Variants in FAM156A observed in about 807,000 individuals in gnomAD.
FAM156A encodes the protein protein FAM156A/FAM156B.
chrX:52,986,718 G>A (rs1476184273), intron 1 of FAM156A, among the ~76,000 whole-genome samples: 2 of 110,301 alleles, frequency 1.8e-5, no homozygotes, highest in South Asian at 3.7e-4. Context: ...ACTTGATATG[G>A]AGCAACTAAA....
chrX:52,976,422 C>T (rs1428582393), intron 1 of FAM156A, among the ~76,000 whole-genome samples: 3 of 109,743 alleles, frequency 2.7e-5, no homozygotes, highest in Non-Finnish European at 5.7e-5. Context: ...CCAGCCCGGG[C>T]GACAGATCAG....
intron 1 of FAM156A, among the ~76,000 whole-genome samples, chrX:52,974,408 T>C (rs1319379191): frequency 6.3e-5 from 7 of 111,925 alleles, no homozygotes; most frequent in African/African-American, 2.3e-4. Flanking sequence ...TCTTTTTTTA[T>C]TGTATGTCCC....
At chrX:52,973,465 AT>A (rs1175951653) in intron 1 of FAM156A, among the ~76,000 whole-genome samples, 33 of 108,761 alleles carry the variant, frequency 3.0e-4, no homozygotes, top group African/African-American at 3.7e-4. Context: ...AATCAGCACA[AT>A]TTTTTTTAAT....
chrX:52,975,410 A>G (rs1929388263), intron 1 of FAM156A, among the ~76,000 whole-genome samples: 1 of 111,880 alleles, frequency 8.9e-6, no homozygotes, highest in Non-Finnish European at 1.9e-5. Context: ...CACCACAGTA[A>G]CGGAGCACGC....
rs145643477 is a variant in FAM156A at position 52,987,233 on chromosome X, C to T, written c.-434+8073G>A. Among the ~76,000 whole-genome samples, 703 of 111,951 alleles carry T rather than the reference C, an allele frequency of 6.3e-3. 7 individuals are homozygous for T. The highest frequency in any genetic ancestry group is 0.022 in the African/African-American group (670 of 30,815). On this transcript the variant is annotated intron_variant, in intron 1 of 4. Transcript: ENST00000610625. ...ACGTACTGTACTCATGGATTACAGA[C>T]TCATTATAGGAATGATGTCCCCAAA...
chrX:52,975,740 G>T (rs1220167389), intron 1 of FAM156A, among the ~76,000 whole-genome samples: 7 of 112,064 alleles, frequency 6.2e-5, no homozygotes, highest in African/African-American at 2.3e-4. Flanking sequence ...CTGCAGGTGG[G>T]CCGGGCCTTG....
At chrX:52,988,065 AC>A (rs1328553365) in intron 1 of FAM156A, among the ~76,000 whole-genome samples, 20 of 110,715 alleles carry the variant, frequency 1.8e-4, no homozygotes, top group African/African-American at 5.9e-4. Flanking sequence ...ACATGGTGAA[AC>A]CCCGTCTCTA....
intron 1 of FAM156A, among the ~76,000 whole-genome samples, chrX:52,986,199 G>A (rs932690301): frequency 9.3e-6 from 1 of 106,995 alleles, no homozygotes. Context: ...TCGCCACACT[G>A]ACTTCCCTAA....
chrX:52,991,774 T>C (rs1556795665), intron 1 of FAM156A, among the ~76,000 whole-genome samples: 1 of 109,613 alleles, frequency 9.1e-6, no homozygotes, highest in African/African-American at 3.4e-5. Flanking sequence ...CACATCCATG[T>C]CATTATTGCT....
chrX:52,984,812 T>A (rs1930152201), intron 1 of FAM156A, among the ~76,000 whole-genome samples: 1 of 109,748 alleles, frequency 9.1e-6, no homozygotes, highest in Non-Finnish European at 1.9e-5. Flanking sequence ...GAGGTTGCAG[T>A]GAGCTGAGAT....
chrX:52,984,275 C>A (rs917661525), intron 1 of FAM156A, among the ~76,000 whole-genome samples: 1 of 112,396 alleles, frequency 8.9e-6, no homozygotes, highest in Non-Finnish European at 1.9e-5. Flanking sequence ...TATTTTCTAC[C>A]AGAGCAGCTC....
chrX:52,976,399 G>A (rs782322094), intron 1 of FAM156A, among the ~76,000 whole-genome samples: 2 of 110,826 alleles, frequency 1.8e-5, no homozygotes, highest in South Asian at 3.9e-4. Context: ...AAACAAGATC[G>A]TGCCACTGCA....
intron 1 of FAM156A, among the ~76,000 whole-genome samples, chrX:52,974,259 C>T (rs1929275303): frequency 8.9e-6 from 1 of 112,473 alleles, no homozygotes; most frequent in South Asian, 3.6e-4. Context: ...AAGTATACAG[C>T]TGTAAGAGTC....
chrX:52,991,082 T>C (rs1444317120), intron 1 of FAM156A, among the ~76,000 whole-genome samples: 1 of 111,393 alleles, frequency 9.0e-6, no homozygotes, highest in African/African-American at 3.3e-5. Context: ...ATACCGATAG[T>C]ATTGGTATGA....
At chrX:52,987,601 T>C (rs189131226) in intron 1 of FAM156A, among the ~76,000 whole-genome samples, 64 of 108,859 alleles carry the variant, frequency 5.9e-4, no homozygotes, top group African/African-American at 1.9e-3. Flanking sequence ...CAAACCGTGA[T>C]TGTGGCACTG....
At chrX:52,977,039 CAT>C in intron 1 of FAM156A, among the ~76,000 whole-genome samples, 1 of 105,448 alleles carries the variant, frequency 9.5e-6, no homozygotes, top group South Asian at 4.2e-4. Flanking sequence ...TACACACACA[CAT>C]ATATATATAC....
intron 1 of FAM156A, among the ~76,000 whole-genome samples, chrX:52,985,167 C>T (rs1556794162): frequency 9.2e-6 from 1 of 108,189 alleles, no homozygotes; most frequent in Admixed American, 9.9e-5. Context: ...TAAATCTTCC[C>T]AAATGTAAAA....
At chrX:52,991,818 C>T (rs1930796471) in intron 1 of FAM156A, among the ~76,000 whole-genome samples, 1 of 109,185 alleles carries the variant, frequency 9.2e-6, no homozygotes, top group African/African-American at 3.4e-5. Flanking sequence ...TGACAGTGGG[C>T]CTGTACTCAG....
chrX:52,987,487 C>A (rs1247896291), intron 1 of FAM156A, among the ~76,000 whole-genome samples: 1 of 110,054 alleles, frequency 9.1e-6, no homozygotes, highest in Non-Finnish European at 1.9e-5. Context: ...GACCCCATCT[C>A]TGCAAAAAAT....
Sources: gnomAD v4.1 joint callset for allele counts (sites outside exome capture counted in the v4.1 genomes callset) on GRCh38, gnomAD v4.1.1 for gene constraint, MANE v1.5 for transcripts, NCBI Gene and HGNC (gene_info 2026-07-23, HGNC 2026-07-21) for gene names.